CREBRF: variants seen among roughly 807,000 people sequenced by gnomAD.
CREBRF encodes CREB3 regulatory factor.
Under a neutral mutation model 66.1 loss-of-function variants are expected in CREBRF, and 5 were observed. The observed-to-expected ratio is 0.08, with a 90% CI of 0.04 to 0.16. The LOEUF (loss-of-function observed/expected upper bound fraction) is 0.16. Ranked by LOEUF, CREBRF falls within the 10% of genes least tolerant of loss-of-function variation. The pLI is 1.00. For missense variants in CREBRF, 531 were observed against 744.9 expected (o/e 0.71, Z 3.34); for synonymous variants, 229 against 264.4 (o/e 0.87, Z 1.30).
chr5:173,061,316 A>G (rs1016203106), intron 1 of CREBRF, among the ~76,000 whole-genome samples: 22 of 151,996 alleles, frequency 1.4e-4, no homozygotes, highest in African/African-American at 5.3e-4. Context: ...AGAATATACA[A>G]ATAGACACTT....
chr5:173,085,729 CT>C (rs765811420), intron 2 of CREBRF: 109 of 765,010 alleles, frequency 1.4e-4, no homozygotes, highest in Non-Finnish European at 1.5e-4. Flanking sequence ...CAGATACATT[CT>C]TTAGGCCTTT....
At chr5:173,085,765 A>T in intron 2 of CREBRF, 1 of 774,428 alleles carries the variant, frequency 1.3e-6, no homozygotes, top group South Asian at 1.3e-5. Context: ...AACACTCCAC[A>T]TACCTGATGG....
At chr5:173,103,626 C>T (rs1758679447) in intron 4 of CREBRF, among the ~76,000 whole-genome samples, 1 of 152,172 alleles carries the variant, frequency 6.6e-6, no homozygotes, top group East Asian at 1.9e-4. Context: ...CACGAGCCTA[C>T]AAAGTTTCAG....
chr5:173,081,310 T>C (rs563871134), intron 2 of CREBRF, among the ~76,000 whole-genome samples: 1 of 152,246 alleles, frequency 6.6e-6, no homozygotes, highest in South Asian at 2.1e-4. Flanking sequence ...GTTTATATTA[T>C]GGCAGCTACT....
rs1759597498 is a variant in CREBRF, at chr5:173,136,903, G to A, written c.*3158G>A. The A allele has an allele frequency of 6.6e-6, 1 of 151,528 alleles. No individual in the cohort carries two copies. Among genetic ancestry groups the A allele is most frequent in the African/African-American group, 2.4e-5 (1 of 41,078 alleles). The allele number at this position is 151,528 out of a possible 1,614,324, so 9.4% of individuals were successfully genotyped here. A position where few individuals can be genotyped will look rare whatever the true frequency, so the allele number is the denominator to read the frequency against. Reference sequence around the variant, plus strand: ...TGAAGGCATTGTGAATTCACCTCAAGTAAACCCATTGTTCCAAAGCAATTA... The same window carrying A: ...TGAAGGCATTGTGAATTCACCTCAAATAAACCCATTGTTCCAAAGCAATTA... On this transcript the variant is annotated 3_prime_UTR_variant, in exon 9 of 9. Transcript: ENST00000296953.
At chr5:173,081,077 C>T (rs1757925657) in intron 2 of CREBRF, among the ~76,000 whole-genome samples, 1 of 152,174 alleles carries the variant, frequency 6.6e-6, no homozygotes, top group Non-Finnish European at 1.5e-5. Context: ...AATTAGTCTG[C>T]CACAGCAATC....
rs1758340608 is a variant in CREBRF, at chr5:173,091,544, ATT to A, written c.1222+144_1222+145del. 18 of 1,450,880 alleles carry A rather than the reference ATT, an allele frequency of 1.2e-5. 1 individual carries two copies. The South Asian group carries it at 2.4e-4, about 20-fold the overall frequency. 89.9% of individuals were successfully genotyped at this position (1,450,880 alleles called of 1,614,324 possible). On this transcript the variant is annotated intron_variant, in intron 4 of 8. Transcript: ENST00000296953. ...ACTTAAACCTTGGATTGGATATGTA[ATT>A]GGTTTTTCTATTCAAATAGCTCTAA...
intron 1 of CREBRF, among the ~76,000 whole-genome samples, chr5:173,074,109 C>T (rs1042881738): frequency 2.6e-5 from 4 of 151,954 alleles, no homozygotes; most frequent in Admixed American, 1.3e-4. Context: ...TTGAGACCAA[C>T]GTGACCAACA....
At chr5:173,096,924 G>A (rs1360784501) in intron 4 of CREBRF, among the ~76,000 whole-genome samples, 1 of 152,058 alleles carries the variant, frequency 6.6e-6, no homozygotes, top group East Asian at 1.9e-4. Context: ...TGCATATATT[G>A]AATCATCCTT....
At chr5:173,056,807 G>T (rs1319334744) in intron 1 of CREBRF, among the ~76,000 whole-genome samples, 1 of 151,582 alleles carries the variant, frequency 6.6e-6, no homozygotes, top group Non-Finnish European at 1.5e-5. Context: ...CTGCCGGGCC[G>T]CCCGGCCCTT....
intron 1 of CREBRF, among the ~76,000 whole-genome samples, chr5:173,067,456 G>C (rs77828615): frequency 6.6e-6 from 1 of 152,010 alleles, no homozygotes; most frequent in Non-Finnish European, 1.5e-5. Context: ...AATTTAAAGA[G>C]GATACCTCTT....
intron 8 of CREBRF, among the ~76,000 whole-genome samples, chr5:173,132,724 C>G (rs145689244): frequency 1.4e-5 from 2 of 148,114 alleles, no homozygotes; most frequent in Admixed American, 1.4e-4. Context: ...GTCAGCCTCC[C>G]GAGTAGCTGG....
chr5:173,078,302 T>G (rs187941191), intron 1 of CREBRF, among the ~76,000 whole-genome samples: 1 of 152,270 alleles, frequency 6.6e-6, no homozygotes, highest in East Asian at 1.9e-4. Context: ...GTTAGATGAT[T>G]CGGAAGAGCT....
chr5:173,105,041 C>A (rs1226420202), intron 4 of CREBRF, among the ~76,000 whole-genome samples: 1 of 152,168 alleles, frequency 6.6e-6, no homozygotes, highest in Non-Finnish European at 1.5e-5. Flanking sequence ...TTAGTCCCAG[C>A]TGTGCCAAAT....
chr5:173,130,873 G>A (rs1581054119), intron 8 of CREBRF, among the ~76,000 whole-genome samples: 1 of 151,756 alleles, frequency 6.6e-6, no homozygotes, highest in Non-Finnish European at 1.5e-5. Context: ...CCTGGCTAAT[G>A]TTTTTGCATT....
At chr5:173,064,907 C>G (rs1336262902) in intron 1 of CREBRF, among the ~76,000 whole-genome samples, 1 of 151,842 alleles carries the variant, frequency 6.6e-6, no homozygotes, top group African/African-American at 2.4e-5. Context: ...GAGAGTTTTA[C>G]TATGTTTCCC....
At chr5:173,115,905 C>T (rs775032848) in intron 7 of CREBRF, among the ~76,000 whole-genome samples, 1 of 152,188 alleles carries the variant, frequency 6.6e-6, no homozygotes, top group Non-Finnish European at 1.5e-5. Flanking sequence ...CCACCGCGCC[C>T]GGCCCCTGAA....
intron 8 of CREBRF, 132 bp from the exon 9 acceptor site, chr5:173,133,498 T>G: frequency 1.9e-6 from 1 of 513,396 alleles, no homozygotes. Flanking sequence ...CAATAACAAG[T>G]GCCAGGGAAT....
intron 1 of CREBRF, among the ~76,000 whole-genome samples, chr5:173,078,620 G>A (rs985972732): frequency 1.3e-5 from 2 of 150,150 alleles, no homozygotes; most frequent in African/African-American, 4.9e-5. Context: ...GAGCAGTGGT[G>A]CGATCTCGGC....
Sources: gnomAD v4.1 joint callset for allele counts (sites outside exome capture counted in the v4.1 genomes callset) on GRCh38, gnomAD v4.1.1 for gene constraint, MANE v1.5 for transcripts, NCBI Gene and HGNC (gene_info 2026-07-23, HGNC 2026-07-21) for gene names.